The following NSMCE2 variants were observed in gnomAD, a reference collection of about 807,000 sequenced individuals.
The protein encoded by NSMCE2 is NSE2 SUMO ligase component of SMC5/6 complex.
A neutral mutation model predicts 23.8 loss-of-function variants in NSMCE2; 24 were observed. The observed-to-expected ratio is 1.01, with a 90% CI of 0.73 to 1.42. NSMCE2 has a LOEUF of 1.42. Among genes scored for constraint, NSMCE2 ranks in the 40% most tolerant of loss-of-function variants. NSMCE2 has a pLI of 0.00. For synonymous variants in NSMCE2, 92 were observed against 94.1 expected (o/e 0.98, Z 0.13); for missense variants, 284 against 296.5 (o/e 0.96, Z 0.31).
At chr8:125,173,057 C>G (rs1822299363) in intron 4 of NSMCE2, among the ~76,000 whole-genome samples, 1 of 152,188 alleles carries the variant, frequency 6.6e-6, no homozygotes, top group Admixed American at 6.5e-5. Flanking sequence ...CACACACCTC[C>G]CTTCTCTCAT....
chr8:125,334,767 CTT>C (rs1830010987), intron 5 of NSMCE2, among the ~76,000 whole-genome samples: 2 of 108,420 alleles, frequency 1.8e-5, no homozygotes, highest in African/African-American at 3.5e-5. Context: ...TATGAAGTAT[CTT>C]TTCTTTTTTT....
chr8:125,265,982 G>A (rs570886309), intron 5 of NSMCE2, among the ~76,000 whole-genome samples: 1 of 152,076 alleles, frequency 6.6e-6, no homozygotes, highest in African/African-American at 2.4e-5. Context: ...GTCTCTCAAG[G>A]GCACACTTCA....
chr8:125,337,952 G>A (rs1306846566), intron 5 of NSMCE2, among the ~76,000 whole-genome samples: 1 of 151,626 alleles, frequency 6.6e-6, no homozygotes, highest in African/African-American at 2.4e-5. Flanking sequence ...AGCATAAGGA[G>A]TCATTTTTCT....
intron 5 of NSMCE2, among the ~76,000 whole-genome samples, chr8:125,278,624 A>G (rs1021407209): frequency 3.9e-5 from 6 of 152,150 alleles, no homozygotes; most frequent in Non-Finnish European, 7.3e-5. Context: ...CTCAGCAATG[A>G]GTGTTGAATG....
intron 3 of NSMCE2, among the ~76,000 whole-genome samples, chr8:125,106,084 A>G (rs983721733): frequency 1.3e-5 from 2 of 151,248 alleles, no homozygotes; most frequent in Non-Finnish European, 3.0e-5. Flanking sequence ...TTTAACTAAT[A>G]CCAGGAGTCA....
At chr8:125,252,391 G>T (rs575900991) in intron 5 of NSMCE2, among the ~76,000 whole-genome samples, 1 of 152,248 alleles carries the variant, frequency 6.6e-6, no homozygotes, top group East Asian at 1.9e-4. Context: ...GCTGGATGTG[G>T]TGGTGGGTGC....
At position 125,366,794 on chromosome 8, in the gene NSMCE2, C is replaced by G. The variant is rs201930510; in HGVS notation, c.653C>G (p.Thr218Arg). Reference protein sequence around the residue: ...AYCPQIGCSHTDIRKSDLIQD... With the variant: ...AYCPQIGCSHRDIRKSDLIQD... The stretch of plus-strand genomic sequence containing the variant: ...TGCCCTCAAATTGGCTGTAGCCACA[C>G]GGATATAAGAAAGTCAGATCTTATC... The change falls in exon 8 of 8, where the codon ACG becomes AGG. Residue 218 changes from threonine (T) to arginine (R), a missense_variant. Transcript: ENST00000287437. 1.2e-6 allele frequency: 2 copies of G among 1,611,700 alleles called. No individual in the cohort carries two copies. The highest frequency in any genetic ancestry group is 1.7e-6 in the Non-Finnish European group (2 of 1,177,942).
At chr8:125,107,742 G>T (rs1406824808) in intron 3 of NSMCE2, among the ~76,000 whole-genome samples, 1 of 152,124 alleles carries the variant, frequency 6.6e-6, no homozygotes, top group African/African-American at 2.4e-5. Context: ...TTAAAATTAT[G>T]ATGTAAATAA....
intron 3 of NSMCE2, among the ~76,000 whole-genome samples, chr8:125,106,952 C>T (rs1166530845): frequency 4.7e-5 from 7 of 148,856 alleles, no homozygotes; most frequent in Admixed American, 6.7e-5. Flanking sequence ...GCCGAGATCA[C>T]GCCACTGCAC....
intron 4 of NSMCE2, 71 bp from the exon 5 acceptor site, chr8:125,182,032 C>A: frequency 8.8e-7 from 1 of 1,137,416 alleles, no homozygotes; most frequent in Non-Finnish European, 1.3e-6. Context: ...GAGATAAAAA[C>A]AATGTTGCAA....
chr8:125,111,219 C>T (rs1818730752), intron 3 of NSMCE2, among the ~76,000 whole-genome samples: 1 of 152,120 alleles, frequency 6.6e-6, no homozygotes, highest in African/African-American at 2.4e-5. Context: ...AAAAAACAAC[C>T]AGCAAAGTGA....
chr8:125,137,220 A>G (rs1820115343), intron 3 of NSMCE2, among the ~76,000 whole-genome samples: 1 of 152,106 alleles, frequency 6.6e-6, no homozygotes, highest in Non-Finnish European at 1.5e-5. Flanking sequence ...CCCACAAACT[A>G]CTTCTTATTT....
intron 5 of NSMCE2, among the ~76,000 whole-genome samples, chr8:125,336,389 G>A (rs747723212): frequency 1.3e-4 from 20 of 152,136 alleles, no homozygotes; most frequent in Non-Finnish European, 2.1e-4. Flanking sequence ...TCATTTTCCC[G>A]AGATCAAATA....
chr8:125,241,321 C>T (rs574698596), intron 5 of NSMCE2, among the ~76,000 whole-genome samples: 1 of 152,264 alleles, frequency 6.6e-6, no homozygotes, highest in African/African-American at 2.4e-5. Flanking sequence ...TTGGCTCACC[C>T]ATGAAAATGT....
intron 5 of NSMCE2, among the ~76,000 whole-genome samples, chr8:125,238,847 T>G (rs16900463): frequency 0.024 from 3,665 of 152,306 alleles, 143 homozygotes; most frequent in African/African-American, 0.082. Flanking sequence ...TGTATACAAT[T>G]GGAGTTCTGC....
chr8:125,263,948 A>G (rs1381679054), intron 5 of NSMCE2, among the ~76,000 whole-genome samples: 1 of 152,194 alleles, frequency 6.6e-6, no homozygotes, highest in East Asian at 1.9e-4. Flanking sequence ...AATGAATGAA[A>G]GCTGCAGTCC....
chr8:125,239,486 G>T (rs1325194938), intron 5 of NSMCE2, among the ~76,000 whole-genome samples: 1 of 151,656 alleles, frequency 6.6e-6, no homozygotes, highest in African/African-American at 2.4e-5. Flanking sequence ...GTGCACGCCT[G>T]TAGTACCAGC....
In NSMCE2 at chr8:125,140,659, AC is replaced by A. The variant is rs1048245392; in HGVS notation, c.158-10511del. Among the ~76,000 whole-genome samples, 8 of 152,154 alleles carry A rather than the reference AC, an allele frequency of 5.3e-5. No homozygotes were observed. The East Asian group carries it at 7.7e-4, about 15-fold the overall frequency. Reference sequence around the variant, plus strand: ...GTGAGACTCCATCTCAAAAAAAAAAACATATGAGATTTAAGCCTCACTTTCT... The same window carrying A: ...GTGAGACTCCATCTCAAAAAAAAAAAATATGAGATTTAAGCCTCACTTTCT... On this transcript the variant is annotated intron_variant, in intron 3 of 7. Transcript: ENST00000287437.
At position 125,315,839 on chromosome 8, in the gene NSMCE2, G is replaced by A. The variant is rs556642908; in HGVS notation, c.419-41380G>A. Among the ~76,000 whole-genome samples, 46 of 151,292 alleles carry A rather than the reference G, an allele frequency of 3.0e-4. 1 individual carries two copies. Among genetic ancestry groups the A allele is most frequent in the Admixed American group, 1.4e-3 (22 of 15,178 alleles). On this transcript the variant is annotated intron_variant, in intron 5 of 7. Transcript: ENST00000287437. ...TTTTTTAAAGTCAGGGTTTCACTCCGTCACCCAGGCTGTTGTGCAGTGGTG... is the reference window on the plus strand; with the variant it reads ...TTTTTTAAAGTCAGGGTTTCACTCCATCACCCAGGCTGTTGTGCAGTGGTG...
Sources: gnomAD v4.1 joint callset for allele counts (sites outside exome capture counted in the v4.1 genomes callset) on GRCh38, gnomAD v4.1.1 for gene constraint, MANE v1.5 for transcripts, NCBI Gene and HGNC (gene_info 2026-07-23, HGNC 2026-07-21) for gene names.